STIMATE: variants seen among roughly 807,000 people sequenced by gnomAD.
STIMATE encodes store-operated calcium entry regulator STIMATE.
In STIMATE, 15 loss-of-function variants were observed where a neutral mutation model predicts 36.7. The ratio of observed to expected loss-of-function variants is 0.41; its 90% confidence interval spans 0.27 to 0.63. The LOEUF (loss-of-function observed/expected upper bound fraction) is 0.63. Ranked by LOEUF, STIMATE falls within the 20% of genes least tolerant of loss-of-function variation. STIMATE has a pLI of 0.32. For synonymous variants in STIMATE, 163 were observed against 162.3 expected (o/e 1.00, Z -0.03); for missense variants, 305 against 397.3 (o/e 0.77, Z 1.98).
intron 1 of STIMATE, among the ~76,000 whole-genome samples, chr3:52,863,577 A>G (rs1399049978): frequency 7.1e-6 from 1 of 141,260 alleles, no homozygotes; most frequent in Non-Finnish European, 1.5e-5. Context: ...CACATTTCAA[A>G]ATCAATTATG....
intron 1 of STIMATE, among the ~76,000 whole-genome samples, chr3:52,860,027 T>C (rs1363755440): frequency 1.4e-5 from 2 of 146,524 alleles, no homozygotes; most frequent in African/African-American, 2.5e-5. Flanking sequence ...CCACCTCCTA[T>C]CCCCTTTCCC....
chr3:52,876,568 C>T (rs1335622466), intron 1 of STIMATE, among the ~76,000 whole-genome samples: 1 of 152,254 alleles, frequency 6.6e-6, no homozygotes, highest in Non-Finnish European at 1.5e-5. Context: ...AATCCTCCTC[C>T]TCCTCGGCTT....
intron 1 of STIMATE, among the ~76,000 whole-genome samples, chr3:52,862,338 G>A (rs572145092): frequency 5.3e-5 from 8 of 152,090 alleles, no homozygotes; most frequent in Non-Finnish European, 1.2e-4. Flanking sequence ...TCCCTGCTCC[G>A]ATCTCTTCAA....
At chr3:52,865,552 A>C (rs1343053809) in intron 1 of STIMATE, among the ~76,000 whole-genome samples, 1 of 152,210 alleles carries the variant, frequency 6.6e-6, no homozygotes, top group African/African-American at 2.4e-5. Flanking sequence ...AGGAAAATGC[A>C]AAAGCAGAAA....
chr3:52,873,458 T>C (rs747746020), intron 1 of STIMATE, among the ~76,000 whole-genome samples: 2 of 152,058 alleles, frequency 1.3e-5, no homozygotes, highest in Non-Finnish European at 2.9e-5. Context: ...GAAAAGCGAG[T>C]TGTACAACCA....
At chr3:52,857,410 G>C (rs9637477) in intron 1 of STIMATE, among the ~76,000 whole-genome samples, 116,911 of 152,026 alleles carry the variant, frequency 0.77, 46,554 homozygotes, top group East Asian at 0.94. Context: ...TCACTTGGGG[G>C]CTGGAACTCA....
chr3:52,877,859 G>A (rs1701527451), intron 1 of STIMATE, among the ~76,000 whole-genome samples: 1 of 152,186 alleles, frequency 6.6e-6, no homozygotes, highest in African/African-American at 2.4e-5. Context: ...ACTTTGAGAG[G>A]CTAAGGCGGG....
In STIMATE at chr3:52,869,597, A is replaced by G. The variant is rs190765850; in HGVS notation, c.161-14153T>C. On this transcript the variant is annotated intron_variant, in intron 1 of 7. Transcript: ENST00000355083. Reference sequence around the variant, plus strand: ...TGCACATCTTTGGACAACACTTCATATGCAATACTAAGCATCTGCCTGTCT... The same window carrying G: ...TGCACATCTTTGGACAACACTTCATGTGCAATACTAAGCATCTGCCTGTCT... Among the ~76,000 whole-genome samples the G allele has an allele frequency of 2.4e-3, 366 of 152,324 alleles. 2 individuals carry two copies. The highest frequency in any genetic ancestry group is 3.2e-3 in the Non-Finnish European group (215 of 68,034).
At chr3:52,868,604 C>T (rs1701350985) in intron 1 of STIMATE, among the ~76,000 whole-genome samples, 1 of 152,102 alleles carries the variant, frequency 6.6e-6, no homozygotes, top group South Asian at 2.1e-4. Context: ...TGAGTACTCA[C>T]GTCAGGAACT....
At chr3:52,864,114 C>T (rs952796281) in intron 1 of STIMATE, among the ~76,000 whole-genome samples, 3 of 152,222 alleles carry the variant, frequency 2.0e-5, no homozygotes, top group Non-Finnish European at 2.9e-5. Context: ...GTGGGGACTC[C>T]GTGTGGGGGC....
chr3:52,872,385 TGTC>T (rs1381650520), intron 1 of STIMATE, among the ~76,000 whole-genome samples: 2 of 152,224 alleles, frequency 1.3e-5, no homozygotes, highest in African/African-American at 2.4e-5. Flanking sequence ...AGGTGTTTAC[TGTC>T]AATTCAACAA....
intron 4 of STIMATE, among the ~76,000 whole-genome samples, chr3:52,845,187 A>G (rs980207512): frequency 6.6e-6 from 1 of 152,354 alleles, no homozygotes. Flanking sequence ...AGATTCTAAG[A>G]TAGGATTAAA....
At chr3:52,853,147 T>C (rs116786981) in intron 2 of STIMATE, among the ~76,000 whole-genome samples, 1,968 of 152,138 alleles carry the variant, frequency 0.013, 47 homozygotes, top group African/African-American at 0.046. Flanking sequence ...TAGATCAGGG[T>C]AGGCAAATTT....
At chr3:52,881,437 CT>C (rs1335835151) in intron 1 of STIMATE, among the ~76,000 whole-genome samples, 5 of 151,690 alleles carry the variant, frequency 3.3e-5, no homozygotes, top group South Asian at 2.1e-4. Context: ...GGCGCGGTGG[CT>C]TGACGCCTGT....
At chr3:52,843,947 T>A in intron 5 of STIMATE, 149 bp from the exon 6 acceptor site, 1 of 1,027,274 alleles carries the variant, frequency 9.7e-7, no homozygotes. Context: ...TGCCTAGGGT[T>A]CCCAGATGAG....
intron 4 of STIMATE, 62 bp downstream of exon 4, chr3:52,849,730 G>A: frequency 1.3e-6 from 2 of 1,564,524 alleles, no homozygotes; most frequent in Non-Finnish European, 1.7e-6. Context: ...GGCCGCATGG[G>A]GCAAGGAGCA....
intron 1 of STIMATE, among the ~76,000 whole-genome samples, chr3:52,885,543 T>C (rs1701676748): frequency 6.6e-6 from 1 of 152,240 alleles, no homozygotes; most frequent in African/African-American, 2.4e-5. Context: ...CTCTCCGTCC[T>C]GGACGTAGTT....
chr3:52,862,083 GC>G lies in STIMATE; in HGVS notation c.161-6640del, dbSNP rs1035950089. Among the ~76,000 whole-genome samples the G allele has an allele frequency of 4.5e-4, 68 of 152,208 alleles. 1 individual carries two copies. The highest frequency in any genetic ancestry group is 1.5e-3 in the African/African-American group (64 of 41,528). On this transcript the variant is annotated intron_variant, in intron 1 of 7. Coordinates refer to ENST00000355083, the MANE Select transcript of STIMATE (RefSeq NM_198563.5). ...GGCCCAGTCTGCTGGGTCCCTCATA[GC>G]CAAGTTGTCTCCTGCCCACTCTGCT... is the stretch of plus-strand genomic sequence containing the variant.
At chr3:52,873,608 T>C (rs981249518) in intron 1 of STIMATE, among the ~76,000 whole-genome samples, 2 of 152,118 alleles carry the variant, frequency 1.3e-5, no homozygotes, top group Non-Finnish European at 1.5e-5. Context: ...GGCAGAGATA[T>C]CAGAGTTGCT....
Sources: allele counts gnomAD v4.1 joint callset (sites outside exome capture counted in the v4.1 genomes callset), GRCh38; gene constraint gnomAD v4.1.1; transcripts MANE v1.5; gene names NCBI Gene and HGNC (gene_info 2026-07-23, HGNC 2026-07-21).